Variants in SKAP1 observed in about 807,000 individuals in gnomAD.
The protein encoded by SKAP1 is src kinase-associated phosphoprotein 1.
SKAP1 carries 44 observed loss-of-function variants against 58.5 expected under a neutral mutation model. The ratio of observed to expected loss-of-function variants is 0.75; its 90% CI spans 0.59 to 0.97. SKAP1 has a LOEUF of 0.97. Among genes scored for constraint, SKAP1 ranks in the 50% least tolerant of loss-of-function variants. SKAP1 has a pLI of 0.00. For missense variants in SKAP1, 390 were observed against 435.2 expected (o/e 0.90, Z 0.92); for synonymous variants, 127 against 149.7 (o/e 0.85, Z 1.11).
chr17:48,326,460 A>T (rs1424544510), intron 4 of SKAP1, among the ~76,000 whole-genome samples: 3 of 152,190 alleles, frequency 2.0e-5, no homozygotes, highest in Non-Finnish European at 2.9e-5. Flanking sequence ...AATTGATTGG[A>T]AATAGCATGT....
At chr17:48,349,931 A>G (rs1361104252) in intron 3 of SKAP1, among the ~76,000 whole-genome samples, 1 of 152,220 alleles carries the variant, frequency 6.6e-6, no homozygotes, top group Non-Finnish European at 1.5e-5. Flanking sequence ...CTTGGCCACT[A>G]GAAGTTGGCT....
intron 4 of SKAP1, among the ~76,000 whole-genome samples, chr17:48,205,029 TTCTTTCTTTCTCTC>T (rs2064789700): frequency 2.6e-5 from 1 of 38,942 alleles, no homozygotes; most frequent in African/African-American, 7.1e-5. Flanking sequence ...CTTTCTTTCT[TTCTTTCTTTCTCTC>T]TCTCTCTTTC....
intron 10 of SKAP1, 54 bp downstream of exon 10, chr17:48,170,555 A>T (rs988578913): frequency 7.5e-6 from 11 of 1,466,794 alleles, no homozygotes; most frequent in Non-Finnish European, 9.6e-7. Context: ...GCTTTCTCTA[A>T]TCAGAAGCCC....
chr17:48,230,035 C>T (rs1162514211), intron 4 of SKAP1, among the ~76,000 whole-genome samples: 2 of 151,444 alleles, frequency 1.3e-5, no homozygotes, highest in Non-Finnish European at 2.9e-5. Context: ...AGCATCCAGG[C>T]TCAGACCTTG....
chr17:48,385,287 T>C (rs1272707277), intron 2 of SKAP1, among the ~76,000 whole-genome samples: 1 of 149,126 alleles, frequency 6.7e-6, no homozygotes, highest in Non-Finnish European at 1.5e-5. Flanking sequence ...ATAGCTACTC[T>C]AGGCTTCTAT....
the SKAP1 span, among the ~76,000 whole-genome samples, chr17:48,436,600 A>G: frequency 5.3e-5 from 8 of 151,510 alleles, no homozygotes; most frequent in African/African-American, 9.7e-5. Flanking sequence ...ATTCTTTTTC[A>G]TCTTCAATAT....
chr17:48,315,620 T>G (rs1283683193), intron 4 of SKAP1, among the ~76,000 whole-genome samples: 1 of 152,196 alleles, frequency 6.6e-6, no homozygotes, highest in African/African-American at 2.4e-5. Flanking sequence ...TACTAATAAT[T>G]CATTAATATT....
chr17:48,419,810 T>G (rs2067774069), intron 1 of SKAP1, among the ~76,000 whole-genome samples: 1 of 152,160 alleles, frequency 6.6e-6, no homozygotes, highest in Admixed American at 6.6e-5. Flanking sequence ...AAATTTTATT[T>G]TCCCATAACA....
intron 4 of SKAP1, among the ~76,000 whole-genome samples, chr17:48,273,761 T>A (rs2065664449): frequency 6.6e-6 from 1 of 152,092 alleles, no homozygotes. Flanking sequence ...CCCTTTTGTA[T>A]AGTCTCTATT....
chr17:48,417,199 A>G (rs2067742103), intron 1 of SKAP1, among the ~76,000 whole-genome samples: 1 of 152,198 alleles, frequency 6.6e-6, no homozygotes. Flanking sequence ...GGTTGTGGCT[A>G]GGTTCGACCT....
intron 4 of SKAP1, among the ~76,000 whole-genome samples, chr17:48,289,010 A>G (rs2065868517): frequency 6.6e-6 from 1 of 152,190 alleles, no homozygotes; most frequent in African/African-American, 2.4e-5. Context: ...GATAATGTAA[A>G]ACAGAGGCAT....
At chr17:48,389,592 C>T (rs151110077) in intron 2 of SKAP1, among the ~76,000 whole-genome samples, 7 of 152,250 alleles carry the variant, frequency 4.6e-5, no homozygotes, top group East Asian at 1.9e-4. Context: ...GTCTAGCACT[C>T]GAGAAGTTCC....
At chr17:48,134,809 T>G (rs1409589177) in intron 12 of SKAP1, among the ~76,000 whole-genome samples, 1 of 151,820 alleles carries the variant, frequency 6.6e-6, no homozygotes, top group Non-Finnish European at 1.5e-5. Flanking sequence ...GTTCAAGTGA[T>G]TCTCCTGCCT....
At chr17:48,206,102 G>A (rs1277656731) in intron 4 of SKAP1, among the ~76,000 whole-genome samples, 1 of 152,202 alleles carries the variant, frequency 6.6e-6, no homozygotes, top group East Asian at 1.9e-4. Flanking sequence ...AAATGGAACT[G>A]ATGGATCATC....
chr17:48,295,619 T>C (rs963934555), intron 4 of SKAP1: 2 of 141,730 alleles, frequency 1.4e-5, no homozygotes, highest in Non-Finnish European at 3.0e-5. Context: ...AGTCACTTCC[T>C]CTTTTTTTTT....
chr17:48,361,387 T>A (rs980924235), intron 3 of SKAP1, among the ~76,000 whole-genome samples: 6 of 151,784 alleles, frequency 4.0e-5, no homozygotes, highest in African/African-American at 1.5e-4. Flanking sequence ...TTGTATGTAG[T>A]AGAGACAGGG....
At chr17:48,145,197 C>T (rs1440154705) in intron 11 of SKAP1, among the ~76,000 whole-genome samples, 11 of 152,074 alleles carry the variant, frequency 7.2e-5, no homozygotes. Flanking sequence ...CTCTCAATAC[C>T]AACCTTGCCC....
chr17:48,314,586 AG>A (rs2066265276), intron 4 of SKAP1, among the ~76,000 whole-genome samples: 1 of 152,188 alleles, frequency 6.6e-6, no homozygotes, highest in Admixed American at 6.5e-5. Context: ...GTGTACACAG[AG>A]GGAAATCTCT....
chr17:48,368,607 C>T (rs1290507598), intron 2 of SKAP1, among the ~76,000 whole-genome samples: 1 of 152,166 alleles, frequency 6.6e-6, no homozygotes, highest in East Asian at 1.9e-4. Flanking sequence ...AGCTATCACT[C>T]CTCTGCAATA....
Sources: allele counts gnomAD v4.1 joint callset (sites outside exome capture counted in the v4.1 genomes callset), GRCh38; gene constraint gnomAD v4.1.1; transcripts MANE v1.5; gene names NCBI Gene and HGNC (gene_info 2026-07-23, HGNC 2026-07-21).